RAD51B: variants seen among roughly 807,000 people sequenced by gnomAD.
The protein encoded by RAD51B is RAD51 paralog B.
In RAD51B, 38 loss-of-function variants were observed where a neutral mutation model predicts 42.2. The observed-to-expected ratio is 0.90, with a 90% CI of 0.70 to 1.18. The LOEUF is 1.18. Among genes scored for constraint, RAD51B ranks in the 50% most tolerant of loss-of-function variants. RAD51B has a pLI of 0.00. For missense variants in RAD51B, 373 were observed against 400.7 expected (o/e 0.93, Z 0.59); for synonymous variants, 154 against 145.2 (o/e 1.06, Z -0.43).
intron 10 of RAD51B, among the ~76,000 whole-genome samples, chr14:68,476,747 A>C (rs886919306): frequency 2.0e-5 from 3 of 152,204 alleles, no homozygotes. Context: ...ACTGACAAAC[A>C]GTGCACTGAA....
chr14:68,144,045 C>G (rs2078199427), intron 7 of RAD51B, among the ~76,000 whole-genome samples: 1 of 151,864 alleles, frequency 6.6e-6, no homozygotes, highest in South Asian at 2.1e-4. Flanking sequence ...TGCTCATCAT[C>G]TTTTTTTTCC....
At chr14:68,207,248 A>G (rs974373805) in intron 7 of RAD51B, among the ~76,000 whole-genome samples, 2 of 152,180 alleles carry the variant, frequency 1.3e-5, no homozygotes, top group African/African-American at 4.8e-5. Flanking sequence ...ATAAATACAC[A>G]CACATATACA....
At chr14:68,540,237 T>G in intron 10 of RAD51B, 3 of 986,392 alleles carry the variant, frequency 3.0e-6, no homozygotes, top group Non-Finnish European at 3.6e-6. Flanking sequence ...GAGGCAAACA[T>G]AGGATCGTCT....
intron 11 of RAD51B, among the ~76,000 whole-genome samples, chr14:68,660,758 G>C (rs1439896196): frequency 6.6e-6 from 1 of 152,230 alleles, no homozygotes; most frequent in Non-Finnish European, 1.5e-5. Flanking sequence ...TGCTCCCAGA[G>C]GGGGCGGTGT....
intron 10 of RAD51B, among the ~76,000 whole-genome samples, chr14:68,527,659 C>T (rs1257979693): frequency 1.3e-5 from 2 of 152,242 alleles, no homozygotes; most frequent in African/African-American, 4.8e-5. Flanking sequence ...GCCTGTTGGT[C>T]TTGGAAGGAC....
intron 7 of RAD51B, among the ~76,000 whole-genome samples, chr14:68,197,926 C>T (rs767466735): frequency 1.3e-5 from 2 of 151,956 alleles, no homozygotes; most frequent in Admixed American, 1.3e-4. Context: ...CCTCGCAGTC[C>T]GTGGCTTGTC....
At chr14:68,581,506 T>C (rs1890207768) in intron 10 of RAD51B, among the ~76,000 whole-genome samples, 1 of 152,088 alleles carries the variant, frequency 6.6e-6, no homozygotes, top group South Asian at 2.1e-4. Context: ...GGAGCATCTG[T>C]ACAACAAGCA....
At chr14:68,659,130 G>A (rs904773422) in intron 11 of RAD51B, among the ~76,000 whole-genome samples, 2 of 152,244 alleles carry the variant, frequency 1.3e-5, no homozygotes, top group African/African-American at 4.8e-5. Context: ...CCCTGCAGAA[G>A]CATGCTAATC....
intron 7 of RAD51B, among the ~76,000 whole-genome samples, chr14:68,185,967 A>G (rs1460848217): frequency 6.6e-6 from 1 of 152,206 alleles, no homozygotes; most frequent in African/African-American, 2.4e-5. Flanking sequence ...AAACTATAGT[A>G]TAAGGCTGCA....
chr14:68,256,922 C>T (rs894684382), intron 7 of RAD51B, among the ~76,000 whole-genome samples: 2 of 152,126 alleles, frequency 1.3e-5, no homozygotes, highest in African/African-American at 4.8e-5. Flanking sequence ...AAGTATATTT[C>T]AAGAGCAAAG....
intron 8 of RAD51B, chr14:68,306,758 G>C: frequency 2.7e-6 from 1 of 374,036 alleles, no homozygotes; most frequent in South Asian, 2.2e-5. Flanking sequence ...TTGCATGGCC[G>C]AAGTGAGATT....
intron 7 of RAD51B, among the ~76,000 whole-genome samples, chr14:68,160,981 G>T (rs767100803): frequency 6.6e-6 from 1 of 152,172 alleles, no homozygotes; most frequent in Non-Finnish European, 1.5e-5. Flanking sequence ...AAGCCAAGAC[G>T]TGAGTTCTTT....
intron 10 of RAD51B, among the ~76,000 whole-genome samples, chr14:68,551,667 G>A (rs1196721797): frequency 1.3e-5 from 2 of 152,182 alleles, no homozygotes; most frequent in East Asian, 3.8e-4. Flanking sequence ...TTACACCTCA[G>A]CACCTAGCAC....
downstream of RAD51B, among the ~76,000 whole-genome samples, chr14:68,479,570 C>T (rs1003640489): frequency 2.0e-5 from 3 of 151,986 alleles, no homozygotes; most frequent in Non-Finnish European, 4.4e-5. Flanking sequence ...TTTAGTCCTC[C>T]AATCATACTT....
At chr14:68,329,638 G>GAT (rs2082309633) in intron 8 of RAD51B, among the ~76,000 whole-genome samples, 1 of 152,248 alleles carries the variant, frequency 6.6e-6, no homozygotes, top group South Asian at 2.1e-4. Context: ...CCTTTAAAAA[G>GAT]ATCATCTTAA....
chr14:68,534,715 C>T (rs1307383401), intron 10 of RAD51B, among the ~76,000 whole-genome samples: 2 of 152,054 alleles, frequency 1.3e-5, no homozygotes, highest in Non-Finnish European at 2.9e-5. Context: ...AATAGCAGTA[C>T]CAACATACCT....
intron 7 of RAD51B, among the ~76,000 whole-genome samples, chr14:68,155,196 T>C (rs2078475744): frequency 7.6e-6 from 1 of 131,954 alleles, no homozygotes; most frequent in African/African-American, 3.2e-5. Flanking sequence ...ATTATATTTC[T>C]TTTTTTTTTT....
intron 10 of RAD51B, among the ~76,000 whole-genome samples, chr14:68,477,240 C>A (rs1038114009): frequency 6.6e-6 from 1 of 152,238 alleles, no homozygotes; most frequent in Admixed American, 6.5e-5. Flanking sequence ...TTGTTAAGGA[C>A]TGTGGTGTGC....
intron 8 of RAD51B, among the ~76,000 whole-genome samples, chr14:68,368,354 G>A (rs913992332): frequency 2.6e-5 from 4 of 152,094 alleles, no homozygotes; most frequent in East Asian, 1.9e-4. Context: ...TTCTCCCACC[G>A]GTCATAGCTA....
Sources: gnomAD v4.1 joint callset for allele counts (sites outside exome capture counted in the v4.1 genomes callset) on GRCh38, gnomAD v4.1.1 for gene constraint, MANE v1.5 for transcripts, NCBI Gene and HGNC (gene_info 2026-07-23, HGNC 2026-07-21) for gene names.